Variants in PCYT1A observed in about 807,000 individuals in gnomAD.
PCYT1A encodes choline-phosphate cytidylyltransferase A.
PCYT1A carries 25 observed loss-of-function variants against 43.7 expected under a neutral mutation model. The observed-to-expected ratio is 0.57, with a 90% CI of 0.42 to 0.80. The LOEUF is 0.80. Ranked by LOEUF, PCYT1A falls within the 30% of genes least tolerant of loss-of-function variation. The pLI is 0.00. For missense variants in PCYT1A, 421 were observed against 474.2 expected, an observed-to-expected ratio of 0.89 and a Z score of 1.04; for synonymous variants, 172 against 170.7, an observed-to-expected ratio of 1.01 and a Z score of -0.06.
intron 7 of PCYT1A, among the ~76,000 whole-genome samples, chr3:196,241,158 A>AAAAAAAAC (rs1560161073): frequency 8.4e-6 from 1 of 119,132 alleles, no homozygotes; most frequent in East Asian, 2.9e-4. Context: ...AAAAAAAAAA[A>AAAAAAAAC]AAAAATTAGC....
intron 1 of PCYT1A, among the ~76,000 whole-genome samples, chr3:196,272,935 T>C (rs1725477665): frequency 6.6e-6 from 1 of 152,360 alleles, no homozygotes; most frequent in Admixed American, 6.5e-5. Flanking sequence ...CCACTCAGCC[T>C]GGTAGGCTAT....
chr3:196,272,909 G>A (rs961277399), intron 1 of PCYT1A, among the ~76,000 whole-genome samples: 5 of 152,214 alleles, frequency 3.3e-5, no homozygotes, highest in Non-Finnish European at 5.9e-5. Flanking sequence ...GCTCAGGCCC[G>A]CCGGGCTCGT....
chr3:196,258,121 C>A (rs934166878), intron 2 of PCYT1A, among the ~76,000 whole-genome samples: 1 of 151,962 alleles, frequency 6.6e-6, no homozygotes. Flanking sequence ...CAGGTCTCTA[C>A]TAAAGATACA....
chr3:196,257,819 T>TA lies in PCYT1A; in HGVS notation c.185dup (p.Thr63AsnfsTer12). On this transcript the variant is annotated frameshift_variant, in exon 3 of 9. Transcript: ENST00000431016. LOFTEE classifies it high-confidence loss of function. ...TTCCTCTGCTGGCTTCTTCCATAGT[T>TA]ACCCTGACATAGGGCTTACTAAAGT... 6.2e-7 allele frequency: 1 copy of TA among 1,611,760 alleles called. No homozygotes were observed. The highest frequency in any genetic ancestry group is 8.5e-7 in the Non-Finnish European group (1 of 1,177,894).
chr3:196,242,292 C>A lies in PCYT1A; in HGVS notation c.566-202G>T. 1.5e-6 allele frequency: 1 copy of A among 648,288 alleles called. No individual in the cohort carries two copies. Among genetic ancestry groups the A allele is most frequent in the South Asian group, 1.8e-5 (1 of 54,688 alleles). 40.2% of individuals were successfully genotyped at this position (648,288 alleles called of 1,614,324 possible). ...GGTAAGGCAAAGAAGAGTTACATAG[C>A]CCTAATATTAAGAAAAATATGAGAA... is the stretch of plus-strand genomic sequence containing the variant. On this transcript the variant is annotated intron_variant, in intron 6 of 8. Transcript: ENST00000431016. The surrounding 1 kb of genome is among the most constrained non-coding windows in gnomAD (Gnocchi z 4.2).
chr3:196,272,929 T>A (rs1725477383), intron 1 of PCYT1A, among the ~76,000 whole-genome samples: 1 of 152,232 alleles, frequency 6.6e-6, no homozygotes, highest in African/African-American at 2.4e-5. Context: ...TTCCGTCCAC[T>A]CAGCCTGGTA....
chr3:196,242,473 T>C lies in PCYT1A; in HGVS notation c.565+89A>G. 2 of 887,992 alleles carry C rather than the reference T, an allele frequency of 2.3e-6. No homozygotes were observed. Among genetic ancestry groups the C allele is most frequent in the South Asian group, 1.3e-5 (1 of 76,114 alleles). 55.0% of individuals were successfully genotyped at this position (887,992 alleles called of 1,614,324 possible). A position where few individuals can be genotyped will look rare whatever the true frequency, so the allele number is the denominator to read the frequency against. ...GAAAGAGGATGTTGAATTTCTAATG[T>C]ACACATTTTCCTCTGTAAAGCAGCA... On this transcript the variant is annotated intron_variant, in intron 6 of 8. Transcript: ENST00000431016. The surrounding 1 kb of genome is among the most constrained non-coding windows in gnomAD (Gnocchi z 4.2).
At chr3:196,245,058 C>G (rs1204571697) in intron 5 of PCYT1A, among the ~76,000 whole-genome samples, 1 of 152,116 alleles carries the variant, frequency 6.6e-6, no homozygotes, top group Non-Finnish European at 1.5e-5. Context: ...CCAAATCCCC[C>G]TCTGCGAGAA....
chr3:196,247,849 G>A lies in PCYT1A; in HGVS notation c.335-331C>T. 1.8e-5 allele frequency: 9 copies of A among 498,082 alleles called. No individual in the cohort carries two copies. The South Asian group carries it at 1.8e-4, about 10-fold the overall frequency. The allele number at this position is 498,082 out of a possible 1,614,324, so 30.9% of individuals were successfully genotyped here. ...CATGTTTTCCTGTTTTATTCACACTGGACTGGACCACCTAACATTTCCTTG... is the reference window on the plus strand; with the variant it reads ...CATGTTTTCCTGTTTTATTCACACTAGACTGGACCACCTAACATTTCCTTG... On this transcript the variant is annotated intron_variant, in intron 4 of 8. Transcript: ENST00000431016. The surrounding 1 kb of genome is among the most constrained non-coding windows in gnomAD (Gnocchi z 4.8).
chr3:196,280,570 G>GTTTTTTTTTTTTTTTTTTTTTTTGTTTTT, intron 1 of PCYT1A, among the ~76,000 whole-genome samples: 1 of 91,344 alleles, frequency 1.1e-5, no homozygotes. Flanking sequence ...TATTTTTATT[G>GTTTTTTTTTTTTTTTTTTTTTTTGTTTTT]TTTTTTTTTT....
At position 196,245,994 on chromosome 3, in the gene PCYT1A, G is replaced by C. The variant is rs555193280; in HGVS notation, c.486+1373C>G. Among the ~76,000 whole-genome samples, 4 of 151,668 alleles carry C rather than the reference G, an allele frequency of 2.6e-5. No individual in the cohort carries two copies. In the South Asian group the frequency reaches 6.3e-4, roughly 24 times the overall value. On this transcript the variant is annotated intron_variant, in intron 5 of 8. Coordinates refer to ENST00000431016, the MANE Select transcript of PCYT1A (RefSeq NM_001312673.2). ...AATGGGACAAGCAAAACTCAAGGTTGAGTATATATTGTTAACAAAGAGAAA... is the reference window on the plus strand; with the variant it reads ...AATGGGACAAGCAAAACTCAAGGTTCAGTATATATTGTTAACAAAGAGAAA...
chr3:196,262,248 A>C (rs185611299), intron 2 of PCYT1A, among the ~76,000 whole-genome samples: 4 of 152,178 alleles, frequency 2.6e-5, no homozygotes, highest in African/African-American at 9.7e-5. Flanking sequence ...CTAAATCCCA[A>C]CTCTATCATT....
At chr3:196,263,208 A>G (rs968489677) in intron 2 of PCYT1A, among the ~76,000 whole-genome samples, 4 of 152,062 alleles carry the variant, frequency 2.6e-5, no homozygotes, top group Non-Finnish European at 5.9e-5. Flanking sequence ...CGAGATCCCA[A>G]TTGTTTCTAT....
intron 7 of PCYT1A, among the ~76,000 whole-genome samples, chr3:196,240,223 C>G (rs751855316): frequency 6.6e-6 from 1 of 152,054 alleles, no homozygotes; most frequent in Non-Finnish European, 1.5e-5. Context: ...CTGGCTTATT[C>G]TATTATTTTA....
intron 1 of PCYT1A, among the ~76,000 whole-genome samples, chr3:196,284,031 A>G (rs1340743970): frequency 1.3e-5 from 2 of 152,252 alleles, no homozygotes; most frequent in African/African-American, 4.8e-5. Flanking sequence ...ATTCTTTCCA[A>G]TCTATTTCAA....
chr3:196,235,339 T>G lies in PCYT1A; in HGVS notation c.*3349A>C, dbSNP rs1724130753. On this transcript the variant is annotated 3_prime_UTR_variant, in exon 9 of 9. Coordinates refer to ENST00000431016, the MANE Select transcript of PCYT1A (RefSeq NM_001312673.2). This position sits in a 1 kb window ranked among gnomAD's most constrained non-coding sequence, Gnocchi z 4.3. ...TCCAAAAACACCACCATCACTCAGG[T>G]GCAGCCTAAGGAGTCATCAGTGATC... The G allele has an allele frequency of 6.6e-6, 1 of 152,286 alleles. No individual in the cohort carries two copies. The highest frequency in any genetic ancestry group is 6.5e-5 in the Admixed American group (1 of 15,276). The allele number at this position is 152,286 out of a possible 1,614,324, so 9.4% of individuals were successfully genotyped here. A position where few individuals can be genotyped will look rare whatever the true frequency, so the allele number is the denominator to read the frequency against.
At position 196,238,814 on chromosome 3, in the gene PCYT1A, G is replaced by T. The variant is rs147831015; in HGVS notation, c.978C>A (p.Arg326=). 7.0e-6 allele frequency: 11 copies of T among 1,574,150 alleles called. 1 individual carries two copies. The highest frequency in any genetic ancestry group is 1.8e-4 in the Middle Eastern group (1 of 5,658). ...PKQSPSSSPT[R]ERSPSPSFRW... ...GGAAAGAGGGGGAGGGGGAGCGCTC[G>T]CGAGTAGGGCTGCTGCTGGGGCTCT... Residue 326 remains arginine (R), a synonymous_variant, in exon 9 of 9, where the codon CGC becomes CGA. Coordinates refer to ENST00000431016, the MANE Select transcript of PCYT1A (RefSeq NM_001312673.2).
chr3:196,272,710 C>G (rs73086630), intron 1 of PCYT1A, among the ~76,000 whole-genome samples: 2,584 of 152,326 alleles, frequency 0.017, 85 homozygotes, highest in African/African-American at 0.06. Context: ...ATTAAAACCC[C>G]CTCAGGGATT....
At chr3:196,264,143 A>G (rs1441589785) in intron 2 of PCYT1A, among the ~76,000 whole-genome samples, 7 of 152,044 alleles carry the variant, frequency 4.6e-5, no homozygotes, top group African/African-American at 1.7e-4. Flanking sequence ...GAAGTACCCC[A>G]TCTACACAAC....
Sources: gnomAD v4.1 joint callset for allele counts (sites outside exome capture counted in the v4.1 genomes callset) on GRCh38, gnomAD v4.1.1 for gene constraint, Gnocchi (gnomAD v3.1) non-coding constraint, MANE v1.5 for transcripts, NCBI Gene and HGNC (gene_info 2026-07-23, HGNC 2026-07-21) for gene names.